The following KCNN3 variants were observed in gnomAD, a reference collection of about 807,000 sequenced individuals.
KCNN3 encodes small conductance calcium-activated potassium channel protein 3.
KCNN3 carries 16 observed loss-of-function variants against 62.9 expected under a neutral mutation model. The observed-to-expected ratio is 0.25, with a 90% CI of 0.17 to 0.39. The LOEUF is 0.39. Ranked by LOEUF, KCNN3 falls within the 10% of genes least tolerant of loss-of-function variation. KCNN3 has a pLI of 1.00. For synonymous variants in KCNN3, 370 were observed against 389.2 expected (o/e 0.95, Z 0.58); for missense variants, 599 against 949.4 (o/e 0.63, Z 4.85).
chr1:154,842,180 G>A (rs926083656), intron 1 of KCNN3, among the ~76,000 whole-genome samples: 1 of 152,196 alleles, frequency 6.6e-6, no homozygotes, highest in African/African-American at 2.4e-5. Context: ...CCTGCAATGG[G>A]GTGGGACCCT....
intron 2 of KCNN3, among the ~76,000 whole-genome samples, chr1:154,775,355 G>A (rs893739626): frequency 2.0e-5 from 3 of 152,138 alleles, no homozygotes; most frequent in African/African-American, 7.2e-5. Flanking sequence ...TGGGCCCTGA[G>A]AGGCACAGAC....
chr1:154,792,166 C>G (rs932075615), intron 2 of KCNN3, among the ~76,000 whole-genome samples: 1 of 152,174 alleles, frequency 6.6e-6, no homozygotes, highest in East Asian at 1.9e-4. Context: ...AACAGAGTGC[C>G]ACGATGCTGC....
chr1:154,852,602 G>A (rs1652351364), intron 1 of KCNN3, among the ~76,000 whole-genome samples: 1 of 152,122 alleles, frequency 6.6e-6, no homozygotes, highest in African/African-American at 2.4e-5. Context: ...GAGATATGCT[G>A]TGTCAGAGAC....
intron 2 of KCNN3, among the ~76,000 whole-genome samples, chr1:154,808,956 C>T (rs1650293650): frequency 6.6e-6 from 1 of 152,132 alleles, no homozygotes; most frequent in Non-Finnish European, 1.5e-5. Flanking sequence ...AGAGCCGCCT[C>T]GTGGCTCTGA....
intron 2 of KCNN3, among the ~76,000 whole-genome samples, chr1:154,814,826 G>A (rs967332417): frequency 6.6e-6 from 1 of 152,310 alleles, no homozygotes; most frequent in Admixed American, 6.5e-5. Context: ...TAGCCCCACT[G>A]TGCACAGCTG....
chr1:154,791,969 C>A (rs1310173922), intron 2 of KCNN3, among the ~76,000 whole-genome samples: 2 of 152,156 alleles, frequency 1.3e-5, no homozygotes, highest in African/African-American at 4.8e-5. Flanking sequence ...TTCCACTGGC[C>A]AGGAAGATCG....
chr1:154,824,638 C>T (rs1417970127), intron 1 of KCNN3, among the ~76,000 whole-genome samples: 8 of 152,186 alleles, frequency 5.3e-5, no homozygotes, highest in South Asian at 2.1e-4. Flanking sequence ...CATCTGGGAG[C>T]ATCACACCTC....
At chr1:154,803,030 T>G (rs1650025028) in intron 2 of KCNN3, among the ~76,000 whole-genome samples, 1 of 152,218 alleles carries the variant, frequency 6.6e-6, no homozygotes, top group Non-Finnish European at 1.5e-5. Flanking sequence ...ACTGAGGCTG[T>G]GCCAAGTGCC....
chr1:154,863,726 A>G (rs537737085), intron 1 of KCNN3, among the ~76,000 whole-genome samples: 1 of 152,332 alleles, frequency 6.6e-6, no homozygotes, highest in African/African-American at 2.4e-5. Flanking sequence ...GCACAATAAG[A>G]GAAATACGAG....
intron 2 of KCNN3, among the ~76,000 whole-genome samples, chr1:154,779,131 G>C (rs1648918314): frequency 2.0e-5 from 3 of 152,178 alleles, no homozygotes; most frequent in South Asian, 4.2e-4. Flanking sequence ...GCTCACCCAA[G>C]GTGAGACCAG....
chr1:154,801,873 G>A (rs867798056), intron 2 of KCNN3, among the ~76,000 whole-genome samples: 4 of 152,158 alleles, frequency 2.6e-5, no homozygotes, highest in Non-Finnish European at 4.4e-5. Context: ...GTCGGGGCGC[G>A]CCAGGAACGC....
chr1:154,832,845 GC>G (rs1174010637), intron 1 of KCNN3, among the ~76,000 whole-genome samples: 1 of 152,186 alleles, frequency 6.6e-6, no homozygotes, highest in African/African-American at 2.4e-5. Context: ...TCCTGCCCCA[GC>G]CATCGCTGAC....
chr1:154,826,697 T>C (rs1387255181), intron 1 of KCNN3, among the ~76,000 whole-genome samples: 1 of 152,252 alleles, frequency 6.6e-6, no homozygotes, highest in African/African-American at 2.4e-5. Context: ...CCCCAGCTTC[T>C]GAGCCAGCCA....
chr1:154,857,562 A>C lies in KCNN3; in HGVS notation c.933+11470T>G, dbSNP rs74116209. Among the ~76,000 whole-genome samples the C allele has an allele frequency of 6.3e-3, 956 of 152,232 alleles. 10 individuals are homozygous for C. The highest frequency in any genetic ancestry group is 0.022 in the African/African-American group (895 of 41,530). ...GTGGAGAGCTCAGGCAGGGCAGGAGAAGCTTTTTGGCTTGAAAGAGCCCAG... is the reference window on the plus strand; with the variant it reads ...GTGGAGAGCTCAGGCAGGGCAGGAGCAGCTTTTTGGCTTGAAAGAGCCCAG... On this transcript the variant is annotated intron_variant, in intron 1 of 7. Transcript: ENST00000271915.
chr1:154,814,457 A>C (rs573659283), intron 2 of KCNN3, among the ~76,000 whole-genome samples: 13 of 152,304 alleles, frequency 8.5e-5, no homozygotes, highest in African/African-American at 3.1e-4. Flanking sequence ...GGGACAAGTA[A>C]GAGCCGCTGC....
chr1:154,707,925 G>A lies in KCNN3; in HGVS notation c.*51C>T, dbSNP rs1435442655. The A allele has an allele frequency of 6.4e-7, 1 of 1,570,852 alleles. No homozygotes were observed. The highest frequency in any genetic ancestry group is 2.2e-5 in the East Asian group (1 of 44,476). On this transcript the variant is annotated 3_prime_UTR_variant, in exon 8 of 8. Coordinates refer to ENST00000271915, the MANE Select transcript of KCNN3 (RefSeq NM_002249.6). Reference sequence around the variant, plus strand: ...ATGGCAAAGCGACCAGGAGAGAGTTGATTTGCATCTTAAGACCTATGGGTA... The same window carrying A: ...ATGGCAAAGCGACCAGGAGAGAGTTAATTTGCATCTTAAGACCTATGGGTA...
chr1:154,722,385 ATTTT>A (rs11347024), intron 5 of KCNN3, among the ~76,000 whole-genome samples: 10 of 102,028 alleles, frequency 9.8e-5, no homozygotes, highest in Admixed American at 3.2e-4. Context: ...TGAGCTTAGC[ATTTT>A]TTTTTTTTTT....
At chr1:154,855,526 T>G in intron 1 of KCNN3, among the ~76,000 whole-genome samples, 2 of 152,180 alleles carry the variant, frequency 1.3e-5, no homozygotes, top group East Asian at 3.8e-4. Flanking sequence ...TACTTGCCAT[T>G]GTGTTATGAT....
At chr1:154,791,231 A>C (rs1341303906) in intron 2 of KCNN3, among the ~76,000 whole-genome samples, 2 of 151,050 alleles carry the variant, frequency 1.3e-5, no homozygotes, top group Non-Finnish European at 3.0e-5. Context: ...TCCATCTCAA[A>C]AAAAAAAAAA....
Sources: gnomAD v4.1 joint callset for allele counts (sites outside exome capture counted in the v4.1 genomes callset) on GRCh38, gnomAD v4.1.1 for gene constraint, MANE v1.5 for transcripts, NCBI Gene and HGNC (gene_info 2026-07-23, HGNC 2026-07-21) for gene names.